EYS: variants seen among roughly 807,000 people sequenced by gnomAD.
The protein encoded by EYS is EGF-like photoreceptor maintenance factor.
In EYS, 250 loss-of-function variants were observed where a neutral mutation model predicts 282.1. The observed-to-expected ratio is 0.89, with a 90% CI of 0.80 to 0.98. EYS has a LOEUF of 0.98. Ranked by LOEUF, EYS falls within the 50% of genes least tolerant of loss-of-function variation. The probability of loss-of-function intolerance (pLI) is 0.00; values close to 1 mark genes in which losing one functional copy is unlikely to be tolerated. For synonymous variants in EYS, 1,355 were observed against 1,282.9 expected (o/e 1.06, Z -1.20); for missense variants, 4,016 against 3,709.0 (o/e 1.08, Z -2.15).
intron 2 of EYS, among the ~76,000 whole-genome samples, chr6:65,517,337 AC>A (rs71544332): frequency 0.22 from 27,984 of 129,752 alleles, 3,389 homozygotes; most frequent in African/African-American, 0.41. Context: ...TTTCAAAACA[AC>A]AACAAAAAAA....
intron 26 of EYS, among the ~76,000 whole-genome samples, chr6:64,582,584 C>CA (rs1766106523): frequency 7.2e-6 from 1 of 139,630 alleles, no homozygotes; most frequent in East Asian, 2.1e-4. Context: ...AATCCTTGGT[C>CA]TTTTTTTTTT....
intron 5 of EYS, among the ~76,000 whole-genome samples, chr6:65,432,363 A>T (rs1767918530): frequency 6.6e-6 from 1 of 152,314 alleles, no homozygotes; most frequent in Non-Finnish European, 1.5e-5. Context: ...AAAAATAAGT[A>T]CATACATAGG....
intron 26 of EYS, among the ~76,000 whole-genome samples, chr6:64,452,005 C>A (rs959483423): frequency 1.3e-5 from 2 of 152,092 alleles, no homozygotes; most frequent in Non-Finnish European, 2.9e-5. Context: ...GAAGTTCTGG[C>A]CAGGGCAATC....
At chr6:64,331,693 C>A (rs1353041472) in intron 29 of EYS, among the ~76,000 whole-genome samples, 1 of 152,046 alleles carries the variant, frequency 6.6e-6, no homozygotes, top group Non-Finnish European at 1.5e-5. Flanking sequence ...TGTGCTGCAC[C>A]TAACTGCCAT....
At chr6:65,413,963 T>C (rs925339061) in intron 5 of EYS, among the ~76,000 whole-genome samples, 1 of 152,180 alleles carries the variant, frequency 6.6e-6, no homozygotes, top group Non-Finnish European at 1.5e-5. Flanking sequence ...GATTTGTGTA[T>C]ATAATTTGTT....
chr6:63,909,635 C>G (rs1773864635), intron 35 of EYS, among the ~76,000 whole-genome samples: 1 of 152,198 alleles, frequency 6.6e-6, no homozygotes, highest in African/African-American at 2.4e-5. Flanking sequence ...TGCTACAAAT[C>G]AGATACTTTT....
At chr6:64,510,417 T>C (rs1220166067) in intron 26 of EYS, among the ~76,000 whole-genome samples, 2 of 152,124 alleles carry the variant, frequency 1.3e-5, no homozygotes, top group Non-Finnish European at 2.9e-5. Flanking sequence ...GTTTCTTATA[T>C]GATATATGCA....
At chr6:64,027,880 T>G (rs1769611252) in intron 33 of EYS, among the ~76,000 whole-genome samples, 1 of 152,180 alleles carries the variant, frequency 6.6e-6, no homozygotes. Flanking sequence ...TGTTTAACTA[T>G]TGAGGGCCAG....
intron 12 of EYS, among the ~76,000 whole-genome samples, chr6:65,244,940 G>C (rs1196170136): frequency 6.6e-6 from 1 of 152,052 alleles, no homozygotes; most frequent in Non-Finnish European, 1.5e-5. Context: ...TGTCTAATTC[G>C]AAAGATTTGG....
At chr6:63,881,922 G>A (rs915565775) in intron 35 of EYS, among the ~76,000 whole-genome samples, 1 of 152,196 alleles carries the variant, frequency 6.6e-6, no homozygotes, top group African/African-American at 2.4e-5. Flanking sequence ...TGTTATCCTT[G>A]AGACTTAGAC....
chr6:64,754,297 A>G (rs1041164762), intron 22 of EYS, among the ~76,000 whole-genome samples: 5 of 152,138 alleles, frequency 3.3e-5, no homozygotes, highest in Non-Finnish European at 5.9e-5. Flanking sequence ...AACCAGGAAG[A>G]AACAGAAATC....
intron 2 of EYS, among the ~76,000 whole-genome samples, chr6:65,561,142 C>T: frequency 6.6e-6 from 1 of 152,124 alleles, no homozygotes; most frequent in South Asian, 2.1e-4. Flanking sequence ...GGCTGACAAT[C>T]AACTTTGCCC....
At chr6:63,846,880 TGCAA>T (rs1203204915) in intron 36 of EYS, among the ~76,000 whole-genome samples, 1 of 152,194 alleles carries the variant, frequency 6.6e-6, no homozygotes, top group Non-Finnish European at 1.5e-5. Flanking sequence ...CATGAGCTTT[TGCAA>T]GCTATTCTTG....
chr6:65,667,178 A>C (rs2149829972), intron 1 of EYS, among the ~76,000 whole-genome samples: 1 of 151,986 alleles, frequency 6.6e-6, no homozygotes, highest in Admixed American at 6.6e-5. Context: ...GCTCTTACTT[A>C]TTCTATTTTT....
At chr6:64,837,640 GAT>G (rs1399544584) in intron 19 of EYS, among the ~76,000 whole-genome samples, 1 of 143,442 alleles carries the variant, frequency 7.0e-6, no homozygotes, top group Admixed American at 7.2e-5. Context: ...ATAGATATAT[GAT>G]ATATATGATA....
intron 22 of EYS, among the ~76,000 whole-genome samples, chr6:64,706,289 T>A (rs1771012575): frequency 6.6e-6 from 1 of 152,122 alleles, no homozygotes; most frequent in Admixed American, 6.6e-5. Context: ...TGAAACTGGA[T>A]CCTCATCTCT....
intron 2 of EYS, among the ~76,000 whole-genome samples, chr6:65,508,899 C>T (rs1009538530): frequency 4.6e-5 from 7 of 152,100 alleles, no homozygotes; most frequent in Non-Finnish European, 1.0e-4. Context: ...CAGAATCATT[C>T]TCAGATCTTT....
intron 41 of EYS, chr6:63,744,834 CT>C: frequency 4.2e-6 from 1 of 236,058 alleles, no homozygotes; most frequent in South Asian, 4.2e-5. Context: ...TCCCAAAGTG[CT>C]GAGATTACAG....
intron 33 of EYS, among the ~76,000 whole-genome samples, chr6:64,063,987 G>T (rs1046631148): frequency 6.6e-6 from 1 of 151,982 alleles, no homozygotes; most frequent in Non-Finnish European, 1.5e-5. Context: ...CTCCCAAATG[G>T]TTTTTTCATG....
Sources: allele counts gnomAD v4.1 joint callset (sites outside exome capture counted in the v4.1 genomes callset), GRCh38; gene constraint gnomAD v4.1.1; transcripts MANE v1.5; gene names NCBI Gene and HGNC (gene_info 2026-07-23, HGNC 2026-07-21).